The following DPYSL4 variants were observed in gnomAD, a reference collection of about 807,000 sequenced individuals.
DPYSL4 encodes the protein dihydropyrimidinase like 4.
In DPYSL4, 43 loss-of-function variants were observed where a neutral mutation model predicts 63.4. The observed-to-expected ratio is 0.68, with a 90% CI of 0.53 to 0.88. The LOEUF is 0.88. Among genes scored for constraint, DPYSL4 ranks in the 40% least tolerant of loss-of-function variants. The probability of loss-of-function intolerance (pLI) is 0.00; values close to 1 mark genes in which losing one functional copy is unlikely to be tolerated. For synonymous variants in DPYSL4, 353 were observed against 331.7 expected (o/e 1.06, Z -0.70); for missense variants, 733 against 819.5 (o/e 0.89, Z 1.29).
chr10:132,202,718 G>C lies in DPYSL4; in HGVS notation c.1354G>C (p.Val452Leu), dbSNP rs201714613. The change falls in exon 12 of 14, where the codon GTG becomes CTG. Residue 452 changes from valine to leucine, a missense_variant. Coordinates refer to ENST00000338492, the MANE Select transcript of DPYSL4 (RefSeq NM_006426.3). ...TGCCGTGGTCATAAGTCAGGGCCGA[G>C]TGGCGCTGGAGGACGGGAAGATGTT... ...APAVVISQGR[V>L]ALEDGKMFVT... 12 of 1,613,394 alleles carry C rather than the reference G, an allele frequency of 7.4e-6. No homozygotes were observed. Among genetic ancestry groups the C allele is most frequent in the Non-Finnish European group, 9.3e-6 (11 of 1,180,008 alleles).
At chr10:132,192,493 T>G in intron 2 of DPYSL4, 165 bp from the exon 3 acceptor site, 5 of 1,383,964 alleles carry the variant, frequency 3.6e-6, no homozygotes, top group Non-Finnish European at 3.7e-6. Context: ...GATGCTTTGC[T>G]CCCTGGCACT....
intron 11 of DPYSL4, 85 bp from the exon 12 acceptor site, chr10:132,202,561 G>A (rs1438528409): frequency 2.5e-5 from 39 of 1,543,536 alleles, no homozygotes; most frequent in South Asian, 2.4e-5. Context: ...CACGCTGGGC[G>A]GCCACAGTGC....
chr10:132,199,082 G>T, intron 8 of DPYSL4, 111 bp downstream of exon 8: 1 of 1,429,282 alleles, frequency 7.0e-7, no homozygotes. Context: ...CGGGGCACTG[G>T]ACCCTGAGTC....
chr10:132,202,026 G>A lies in DPYSL4; in HGVS notation c.1191G>A (p.Arg397=). The A allele has an allele frequency of 6.2e-7, 1 of 1,613,356 alleles. No homozygotes were observed. The highest frequency in any genetic ancestry group is 8.5e-7 in the Non-Finnish European group (1 of 1,179,976). Reference sequence around the variant, plus strand: ...CCAAAATCTTCAATTTTTACCCAAGGAAGGGGCGAGTGGCTGTGGGCTCTG... The same window carrying A: ...CCAAAATCTTCAATTTTTACCCAAGAAAGGGGCGAGTGGCTGTGGGCTCTG... The part of the protein sequence containing the change: ...NAAKIFNFYP[R]KGRVAVGSDA... Residue 397 remains arginine, a synonymous_variant, in exon 11 of 14, where the codon AGG becomes AGA. Coordinates refer to ENST00000338492, the MANE Select transcript of DPYSL4 (RefSeq NM_006426.3).
chr10:132,197,837 G>A (rs556997989), intron 6 of DPYSL4, among the ~76,000 whole-genome samples: 2 of 152,330 alleles, frequency 1.3e-5, no homozygotes, highest in Admixed American at 1.3e-4. Flanking sequence ...GAGGGCATCG[G>A]GGCATCACAA....
intron 6 of DPYSL4, among the ~76,000 whole-genome samples, chr10:132,197,397 C>T (rs1331068413): frequency 1.3e-5 from 2 of 152,232 alleles, no homozygotes; most frequent in African/African-American, 4.8e-5. Context: ...GATCGAGGCC[C>T]CTCCTGTGGA....
chr10:132,203,623 T>A (rs545429687), intron 12 of DPYSL4, 139 bp from the exon 13 acceptor site: 2 of 805,562 alleles, frequency 2.5e-6, no homozygotes, highest in South Asian at 1.9e-5. Flanking sequence ...CCCAAATTCC[T>A]GAAGCTGGCA....
At chr10:132,200,038 CTG>C in intron 8 of DPYSL4, among the ~76,000 whole-genome samples, 1 of 152,296 alleles carries the variant, frequency 6.6e-6, no homozygotes, top group East Asian at 1.9e-4. Flanking sequence ...ATGCAGTTCA[CTG>C]TGCCTCGCAG....
chr10:132,198,414 G>T lies in DPYSL4; in HGVS notation c.622-1G>T. On this transcript the variant is annotated splice_acceptor_variant, in intron 6 of 13. Transcript: ENST00000338492. LOFTEE classifies it high-confidence loss of function. Reference sequence around the variant, plus strand: ...GCGAGGCATCCTGTTGGTTTCTTTAGGAGCAGAAGCGGTTGCTGGAGCTCG... The same window carrying T: ...GCGAGGCATCCTGTTGGTTTCTTTATGAGCAGAAGCGGTTGCTGGAGCTCG... 6.2e-7 allele frequency: 1 copy of T among 1,605,412 alleles called. No individual in the cohort carries two copies.
chr10:132,202,912 C>G, intron 12 of DPYSL4, 87 bp downstream of exon 12: 2 of 1,475,618 alleles, frequency 1.4e-6, no homozygotes, highest in Non-Finnish European at 1.8e-6. Context: ...TCAACCTGGC[C>G]CGGCCTCCCG....
At chr10:132,190,142 G>A (rs572605062) in intron 1 of DPYSL4, among the ~76,000 whole-genome samples, 19 of 152,386 alleles carry the variant, frequency 1.2e-4, no homozygotes, top group African/African-American at 3.8e-4. Context: ...TGTGCTCTGC[G>A]CATTCGTCAC....
intron 8 of DPYSL4, 87 bp from the exon 9 acceptor site, chr10:132,200,267 GCA>G: frequency 4.0e-6 from 6 of 1,495,784 alleles, no homozygotes; most frequent in Non-Finnish European, 5.5e-6. Context: ...AAAGTGAGGG[GCA>G]GTCGTGGGTG....
chr10:132,186,995 C>CCGGG lies in DPYSL4; in HGVS notation c.-68_-67insGGGC. 8.3e-5 allele frequency: 3 copies of CCGGG among 36,146 alleles called. No individual in the cohort carries two copies. Among genetic ancestry groups the CCGGG allele is most frequent in the Non-Finnish European group, 1.6e-4 (3 of 18,950 alleles). The allele number at this position is 36,146 out of a possible 1,614,324, so 2.2% of individuals were successfully genotyped here. ...CACGCACGCGTCCCGGCTCACGCGT[C>CCGGG]CCCCCGCCCGCCCGCCCGCCCGCCC... On this transcript the variant is annotated 5_prime_UTR_variant, in exon 1 of 14. Transcript: ENST00000338492.
In DPYSL4 at chr10:132,205,372, A is replaced by C; in HGVS notation, c.*442A>C. On this transcript the variant is annotated 3_prime_UTR_variant, in exon 14 of 14. Transcript: ENST00000338492. The stretch of plus-strand genomic sequence containing the variant: ...CAGTCACTGCCTCGCAGAGCCCTAC[A>C]CTCCCGCAGCCGCTCCTCAGAGGCC... The C allele has an allele frequency of 6.4e-6, 1 of 157,340 alleles. No homozygotes were observed. Among genetic ancestry groups the C allele is most frequent in the Non-Finnish European group, 1.4e-5 (1 of 71,510 alleles). 9.7% of individuals were successfully genotyped at this position (157,340 alleles called of 1,614,324 possible).
Position 132,197,536 on chromosome 10 carries a change from G to A in DPYSL4, c.621+435G>A, listed in dbSNP as rs539866608. Among the ~76,000 whole-genome samples the A allele has an allele frequency of 5.3e-5, 8 of 152,290 alleles. No homozygotes were observed. In the East Asian group the frequency reaches 7.7e-4, roughly 15 times the overall value. ...GCCTGAGCCCGCGTGCAGTGGCGCC[G>A]ACCCCCCAGGCCCTTGGGGCTGAGG... On this transcript the variant is annotated intron_variant, in intron 6 of 13. Coordinates refer to ENST00000338492, the MANE Select transcript of DPYSL4 (RefSeq NM_006426.3).
chr10:132,193,086 G>T (rs1167031351), intron 3 of DPYSL4, among the ~76,000 whole-genome samples: 1 of 152,100 alleles, frequency 6.6e-6, no homozygotes, highest in Non-Finnish European at 1.5e-5. Context: ...TGACTGACGT[G>T]TGTCCACTTG....
intron 2 of DPYSL4, 92 bp from the exon 3 acceptor site, chr10:132,192,566 A>G: frequency 6.7e-7 from 1 of 1,489,876 alleles, no homozygotes; most frequent in Non-Finnish European, 8.9e-7. Flanking sequence ...TCTGGAGCTC[A>G]TGCAAACCCT....
chr10:132,193,364 C>T (rs1343045660), intron 3 of DPYSL4, among the ~76,000 whole-genome samples: 7 of 152,270 alleles, frequency 4.6e-5, no homozygotes, highest in Admixed American at 2.0e-4. Flanking sequence ...GTGCTGGCTG[C>T]GTGCCCGGCA....
At chr10:132,201,333 T>C (rs2062015719) in intron 10 of DPYSL4, among the ~76,000 whole-genome samples, 1 of 152,126 alleles carries the variant, frequency 6.6e-6, no homozygotes, top group Non-Finnish European at 1.5e-5. Context: ...CGCCCTGTCC[T>C]GCGCCCTCCC....
Sources: gnomAD v4.1 joint callset for allele counts (sites outside exome capture counted in the v4.1 genomes callset) on GRCh38, gnomAD v4.1.1 for gene constraint, MANE v1.5 for transcripts, NCBI Gene and HGNC (gene_info 2026-07-23, HGNC 2026-07-21) for gene names.